Variants in EPHA6 observed in about 807,000 individuals in gnomAD.
EPHA6 encodes EPH receptor A6.
EPHA6 carries 50 observed loss-of-function variants against 112.0 expected under a neutral mutation model. The ratio of observed to expected loss-of-function variants is 0.45; its 90% confidence interval spans 0.36 to 0.56. The LOEUF (loss-of-function observed/expected upper bound fraction) is 0.56. Ranked by LOEUF, EPHA6 falls within the 20% of genes least tolerant of loss-of-function variation. EPHA6 has a pLI of 0.00. For missense variants in EPHA6, 1,280 were observed against 1,417.4 expected (o/e 0.90, Z 1.56); for synonymous variants, 529 against 490.7 (o/e 1.08, Z -1.03).
At chr3:97,515,719 A>G (rs2092437197) in intron 10 of EPHA6, among the ~76,000 whole-genome samples, 1 of 152,192 alleles carries the variant, frequency 6.6e-6, no homozygotes, top group South Asian at 2.1e-4. Flanking sequence ...TCAGTAAGTG[A>G]GTAATGTACT....
chr3:96,928,321 T>C (rs1461845632), intron 2 of EPHA6, among the ~76,000 whole-genome samples: 2 of 152,214 alleles, frequency 1.3e-5, no homozygotes, highest in Admixed American at 6.5e-5. Context: ...TCTGGTATAT[T>C]AGCTGTTTGT....
At chr3:97,510,914 C>A (rs1188256149) in intron 10 of EPHA6, among the ~76,000 whole-genome samples, 2 of 152,244 alleles carry the variant, frequency 1.3e-5, no homozygotes, top group Non-Finnish European at 2.9e-5. Flanking sequence ...GAGAGGCAGT[C>A]TGGCTACAGC....
intron 5 of EPHA6, among the ~76,000 whole-genome samples, chr3:97,342,660 A>T (rs930342784): frequency 6.6e-6 from 1 of 152,046 alleles, no homozygotes; most frequent in Non-Finnish European, 1.5e-5. Context: ...GGAGTCCCTT[A>T]TGATAAGAGA....
intron 3 of EPHA6, among the ~76,000 whole-genome samples, chr3:97,013,212 C>A (rs922216993): frequency 2.6e-5 from 4 of 151,920 alleles, no homozygotes; most frequent in African/African-American, 9.7e-5. Flanking sequence ...TTTTCTTCTA[C>A]GATTGTTGTA....
At chr3:97,365,144 T>A (rs2084642884) in intron 5 of EPHA6, among the ~76,000 whole-genome samples, 1 of 152,160 alleles carries the variant, frequency 6.6e-6, no homozygotes, top group Admixed American at 6.5e-5. Flanking sequence ...CAAATGAATA[T>A]CTCTTAAATT....
At chr3:97,636,647 A>T (rs2093947882) in intron 13 of EPHA6, among the ~76,000 whole-genome samples, 1 of 152,140 alleles carries the variant, frequency 6.6e-6, no homozygotes, top group South Asian at 2.1e-4. Flanking sequence ...CTGAACAATG[A>T]ATCATCATTG....
chr3:97,145,464 A>T (rs115709610), intron 3 of EPHA6, among the ~76,000 whole-genome samples: 2,410 of 151,414 alleles, frequency 0.016, 76 homozygotes, highest in African/African-American at 0.055. Context: ...TTTTTTAAAA[A>T]ATTTTTATTT....
At chr3:97,328,947 C>T (rs1438577768) in intron 5 of EPHA6, among the ~76,000 whole-genome samples, 1 of 152,088 alleles carries the variant, frequency 6.6e-6, no homozygotes, top group Admixed American at 6.6e-5. Context: ...GGCATATCTC[C>T]TAATGCTATC....
At chr3:97,693,417 T>C (rs2032802449) in intron 14 of EPHA6, among the ~76,000 whole-genome samples, 1 of 152,214 alleles carries the variant, frequency 6.6e-6, no homozygotes, top group East Asian at 1.9e-4. Context: ...AGGACAATTG[T>C]TTCTAGTATT....
chr3:97,744,143 C>T (rs1240342447), intron 16 of EPHA6, among the ~76,000 whole-genome samples: 1 of 151,950 alleles, frequency 6.6e-6, no homozygotes, highest in Non-Finnish European at 1.5e-5. Context: ...CCTGAAATAT[C>T]CTAATTCTAG....
chr3:96,957,032 C>CAA (rs60528834), intron 2 of EPHA6, among the ~76,000 whole-genome samples: 26 of 95,418 alleles, frequency 2.7e-4, no homozygotes, highest in African/African-American at 7.4e-4. Flanking sequence ...AAACTTGTCT[C>CAA]AAAAAAAAAA....
At chr3:97,358,641 T>A (rs1393186365) in intron 5 of EPHA6, among the ~76,000 whole-genome samples, 1 of 152,108 alleles carries the variant, frequency 6.6e-6, no homozygotes. Flanking sequence ...GTATTTACTT[T>A]TATTGAGATT....
intron 6 of EPHA6, among the ~76,000 whole-genome samples, chr3:97,416,223 A>G (rs2088112140): frequency 1.3e-5 from 2 of 152,094 alleles, no homozygotes; most frequent in Non-Finnish European, 2.9e-5. Flanking sequence ...CCTGAGCTAC[A>G]TATTTTTGTG....
intron 5 of EPHA6, among the ~76,000 whole-genome samples, chr3:97,263,154 T>C (rs932485898): frequency 6.6e-6 from 1 of 152,198 alleles, no homozygotes; most frequent in African/African-American, 2.4e-5. Context: ...TCAATATTTA[T>C]TAACCATACC....
At chr3:97,121,228 G>A (rs780457312) in intron 3 of EPHA6, among the ~76,000 whole-genome samples, 35 of 152,052 alleles carry the variant, frequency 2.3e-4, no homozygotes, top group Non-Finnish European at 3.7e-4. Context: ...CAAAAACTGT[G>A]TACCCTTTCT....
intron 11 of EPHA6, among the ~76,000 whole-genome samples, chr3:97,591,959 T>C (rs1320730034): frequency 2.0e-5 from 3 of 152,196 alleles, no homozygotes; most frequent in Non-Finnish European, 4.4e-5. Context: ...TGATTCATTA[T>C]ATAATTTTAT....
chr3:97,517,444 T>G (rs2092465012), intron 10 of EPHA6, among the ~76,000 whole-genome samples: 1 of 151,222 alleles, frequency 6.6e-6, no homozygotes, highest in African/African-American at 2.4e-5. Flanking sequence ...GACGTCTGGG[T>G]TTTTTTTTCT....
chr3:97,021,728 C>T lies in EPHA6; in HGVS notation c.1114+33735C>T, dbSNP rs140666513. ...GGACAACAATCCTATTGGTTTCAGG[C>T]CTGAGCCTTATAACCCTATTTAATG... On this transcript the variant is annotated intron_variant, in intron 3 of 17. Transcript: ENST00000389672. 6.4e-3 allele frequency among the ~76,000 whole-genome samples: 968 copies of T among 152,316 alleles called. 7 individuals carry two copies. The highest frequency in any genetic ancestry group is 0.021 in the African/African-American group (875 of 41,562).
intron 10 of EPHA6, among the ~76,000 whole-genome samples, chr3:97,488,962 A>G (rs9844269): frequency 0.065 from 9,959 of 152,294 alleles, 1,003 homozygotes; most frequent in African/African-American, 0.22. Context: ...GATATGAATG[A>G]AAAAGCAAAG....
Sources: gnomAD v4.1 joint callset for allele counts (sites outside exome capture counted in the v4.1 genomes callset) on GRCh38, gnomAD v4.1.1 for gene constraint, MANE v1.5 for transcripts, NCBI Gene and HGNC (gene_info 2026-07-23, HGNC 2026-07-21) for gene names.